Variants in CPE observed in about 807,000 individuals in gnomAD.
The protein encoded by CPE is carboxypeptidase E.
In CPE, 17 loss-of-function variants were observed where a neutral mutation model predicts 53.5. The observed-to-expected ratio is 0.32, with a 90% CI of 0.22 to 0.48. The LOEUF (loss-of-function observed/expected upper bound fraction) is 0.48. Ranked by LOEUF, CPE falls within the 20% of genes least tolerant of loss-of-function variation. The pLI, the probability that CPE is intolerant of heterozygous loss-of-function variation, is 0.99. For synonymous variants in CPE, 226 were observed against 228.8 expected (o/e 0.99, Z 0.11); for missense variants, 524 against 614.7 (o/e 0.85, Z 1.56).
intron 1 of CPE, among the ~76,000 whole-genome samples, chr4:165,452,358 G>C (rs1038937420): frequency 6.6e-6 from 1 of 151,962 alleles, no homozygotes; most frequent in African/African-American, 2.4e-5. Flanking sequence ...ACCCAAATTC[G>C]ATCATTGCAT....
intron 2 of CPE, 96 bp from the exon 3 acceptor site, chr4:165,467,592 A>C: frequency 8.6e-7 from 1 of 1,165,264 alleles, no homozygotes; most frequent in Non-Finnish European, 1.2e-6. Context: ...AATAATCTTA[A>C]TAGTTATTTT....
chr4:165,494,412 A>G (rs1031127246), intron 7 of CPE, among the ~76,000 whole-genome samples: 2 of 152,222 alleles, frequency 1.3e-5, no homozygotes, highest in African/African-American at 2.4e-5. Context: ...ACAAGGTGAT[A>G]ATAAGAAGGA....
intron 1 of CPE, among the ~76,000 whole-genome samples, chr4:165,460,939 T>C (rs772887929): frequency 5.9e-5 from 9 of 151,596 alleles, no homozygotes; most frequent in Non-Finnish European, 2.9e-5. Flanking sequence ...CATTGATGAA[T>C]GTATATTTTC....
intron 1 of CPE, among the ~76,000 whole-genome samples, chr4:165,462,909 A>C (rs1166039155): frequency 6.6e-6 from 1 of 152,208 alleles, no homozygotes; most frequent in Non-Finnish European, 1.5e-5. Context: ...TCATGCAAAG[A>C]ATGCTTAGTT....
At chr4:165,380,017 GAGAA>G (rs1730481541) in intron 1 of CPE, among the ~76,000 whole-genome samples, 1 of 151,570 alleles carries the variant, frequency 6.6e-6, no homozygotes, top group African/African-American at 2.4e-5. Context: ...GAGAACGAGG[GAGAA>G]AGAGTCATTT....
At chr4:165,381,401 G>C in intron 1 of CPE, 2 of 436,762 alleles carry the variant, frequency 4.6e-6, no homozygotes, top group Non-Finnish European at 9.2e-6. Context: ...AATATGCAGT[G>C]TGGAAAAAAT....
intron 1 of CPE, among the ~76,000 whole-genome samples, chr4:165,450,126 A>G (rs1470187026): frequency 6.6e-6 from 1 of 152,090 alleles, no homozygotes; most frequent in Non-Finnish European, 1.5e-5. Flanking sequence ...TTTATATTTT[A>G]TTTAGCAAAA....
At chr4:165,403,165 T>C (rs79923985) in intron 1 of CPE, among the ~76,000 whole-genome samples, 35 of 152,328 alleles carry the variant, frequency 2.3e-4, no homozygotes, top group African/African-American at 8.2e-4. Context: ...GATTCTTTCA[T>C]AGCTCTGTAA....
intron 6 of CPE, among the ~76,000 whole-genome samples, chr4:165,490,224 G>A (rs2126715850): frequency 6.6e-6 from 1 of 152,336 alleles, no homozygotes; most frequent in African/African-American, 2.4e-5. Context: ...GATGTTTGCA[G>A]GGACTAGAAT....
chr4:165,481,868 T>G (rs901792327), intron 3 of CPE, among the ~76,000 whole-genome samples: 5 of 152,180 alleles, frequency 3.3e-5, no homozygotes, highest in African/African-American at 9.7e-5. Context: ...TTTTCTTTTC[T>G]CCTCATATTA....
chr4:165,492,660 C>T (rs1732628764), intron 6 of CPE, among the ~76,000 whole-genome samples: 2 of 152,236 alleles, frequency 1.3e-5, no homozygotes, highest in Admixed American at 6.5e-5. Flanking sequence ...CTGGGGGCTG[C>T]ATGCACCAGT....
intron 1 of CPE, among the ~76,000 whole-genome samples, chr4:165,402,370 T>A (rs756105664): frequency 1.3e-5 from 2 of 152,218 alleles, no homozygotes; most frequent in Non-Finnish European, 2.9e-5. Flanking sequence ...ATGTTGGTGT[T>A]TCTAGTGATT....
At chr4:165,481,477 A>T (rs1732410985) in intron 3 of CPE, among the ~76,000 whole-genome samples, 1 of 152,190 alleles carries the variant, frequency 6.6e-6, no homozygotes, top group Non-Finnish European at 1.5e-5. Flanking sequence ...TCAGAGAAGC[A>T]CTTGGGGTTT....
intron 1 of CPE, among the ~76,000 whole-genome samples, chr4:165,382,338 T>C (rs1346029007): frequency 6.6e-6 from 1 of 152,226 alleles, no homozygotes; most frequent in East Asian, 1.9e-4. Flanking sequence ...CTAGGACCCC[T>C]GCTTTTGAAA....
intron 1 of CPE, among the ~76,000 whole-genome samples, chr4:165,456,949 C>T (rs1731913490): frequency 6.6e-6 from 1 of 151,926 alleles, no homozygotes; most frequent in South Asian, 2.1e-4. Flanking sequence ...CCAGCTTGAC[C>T]AGGCTGCTCT....
At chr4:165,416,035 T>C (rs1324102870) in intron 1 of CPE, among the ~76,000 whole-genome samples, 3 of 152,130 alleles carry the variant, frequency 2.0e-5, no homozygotes, top group Non-Finnish European at 4.4e-5. Flanking sequence ...GCGTTAACGT[T>C]TTTCTTAAAA....
At chr4:165,403,597 GT>G (rs1730903840) in intron 1 of CPE, among the ~76,000 whole-genome samples, 1 of 150,944 alleles carries the variant, frequency 6.6e-6, no homozygotes, top group African/African-American at 2.4e-5. Flanking sequence ...TGGGGAATGT[GT>G]TTTCTGGCTT....
intron 3 of CPE, among the ~76,000 whole-genome samples, chr4:165,470,558 G>T (rs1048543051): frequency 6.6e-6 from 1 of 152,148 alleles, no homozygotes; most frequent in South Asian, 2.1e-4. Flanking sequence ...AGGCTTTTCT[G>T]TCTGTTGAGG....
intron 1 of CPE, among the ~76,000 whole-genome samples, chr4:165,448,534 T>C (rs932042645): frequency 6.6e-6 from 1 of 152,056 alleles, no homozygotes; most frequent in African/African-American, 2.4e-5. Flanking sequence ...GAGCAGGAAA[T>C]GCCCCACTTC....
Sources: gnomAD v4.1 joint callset for allele counts (sites outside exome capture counted in the v4.1 genomes callset) on GRCh38, gnomAD v4.1.1 for gene constraint, MANE v1.5 for transcripts, NCBI Gene and HGNC (gene_info 2026-07-23, HGNC 2026-07-21) for gene names.